The following UPRT variants were observed in gnomAD, a reference collection of about 807,000 sequenced individuals.
UPRT encodes the protein uracil phosphoribosyltransferase homolog.
A neutral mutation model predicts 22.6 loss-of-function variants in UPRT; 5 were observed. The observed-to-expected ratio is 0.22, with a 90% CI of 0.12 to 0.47. The LOEUF is 0.47. Ranked by LOEUF, UPRT falls within the 20% of genes least tolerant of loss-of-function variation. UPRT has a pLI of 0.99. For synonymous variants in UPRT, 77 were observed against 87.7 expected, an observed-to-expected ratio of 0.88 and a Z score of 0.68; for missense variants, 181 against 239.9, an observed-to-expected ratio of 0.75 and a Z score of 1.62.
intron 4 of UPRT, among the ~76,000 whole-genome samples, chrX:75,251,837 C>T (rs1332891622): frequency 9.0e-6 from 1 of 111,329 alleles, no homozygotes; most frequent in East Asian, 2.8e-4. Flanking sequence ...GTAACCAAAA[C>T]AGCATGGTAC....
At chrX:75,192,386 T>G (rs747231322) in intron 4 of UPRT, among the ~76,000 whole-genome samples, 24 of 111,557 alleles carry the variant, frequency 2.2e-4, no homozygotes, top group African/African-American at 7.8e-4. Context: ...CTAACTGTAT[T>G]GTCTATTTTA....
chrX:75,169,854 T>C (rs1242412070), intron 4 of UPRT, among the ~76,000 whole-genome samples: 1 of 111,515 alleles, frequency 9.0e-6, no homozygotes, highest in Non-Finnish European at 1.9e-5. Flanking sequence ...ATGACCTGTC[T>C]AGTGCTGTCA....
At position 75,237,719 on chromosome X, in the gene UPRT, G is replaced by C. The variant is rs776038319; in HGVS notation, c.-446-53305G>C. On this transcript the variant is annotated intron_variant, in intron 4 of 13. Transcript: ENST00000652605. The stretch of plus-strand genomic sequence containing the variant: ...AAGAACAAAAAACCAAACACTGCAT[G>C]TTCTCACTCATAGGTGAGAATTGAA... Among the ~76,000 whole-genome samples, 10 of 101,777 alleles carry C rather than the reference G, an allele frequency of 9.8e-5. No homozygotes were observed. In the East Asian group the frequency reaches 3.2e-3, roughly 33 times the overall value. 88.4% of individuals were successfully genotyped at this position (101,777 alleles called of 115,157 possible). A position where few individuals can be genotyped will look rare whatever the true frequency, so the allele number is the denominator to read the frequency against.
intron 4 of UPRT, among the ~76,000 whole-genome samples, chrX:75,180,681 G>GTTTTTTTTTTTTCTTTTTTT (rs2082266200): frequency 2.3e-5 from 1 of 43,895 alleles, no homozygotes; most frequent in Non-Finnish European, 3.8e-5. Context: ...CCTTTTCTCT[G>GTTTTTTTTTTTTCTTTTTTT]TTTTTTTTTT....
intron 4 of UPRT, chrX:75,201,906 G>A (rs1267376801): frequency 1.8e-5 from 2 of 111,727 alleles, no homozygotes; most frequent in East Asian, 5.6e-4. Flanking sequence ...CTAGGCCTTA[G>A]TTGGAGCATG....
At chrX:75,203,516 T>TCA (rs368566812) in intron 4 of UPRT, among the ~76,000 whole-genome samples, 248 of 64,578 alleles carry the variant, frequency 3.8e-3, no homozygotes, top group African/African-American at 0.012. Flanking sequence ...ACACACACAC[T>TCA]CACACACACA....
intron 4 of UPRT, among the ~76,000 whole-genome samples, chrX:75,188,193 A>ATTG (rs2082301578): frequency 9.0e-6 from 1 of 111,635 alleles, no homozygotes; most frequent in African/African-American, 3.3e-5. Flanking sequence ...GATGTACAGA[A>ATTG]GGTTTTTGGT....
intron 4 of UPRT, among the ~76,000 whole-genome samples, chrX:75,269,009 C>T (rs1180969643): frequency 9.0e-6 from 1 of 111,567 alleles, no homozygotes; most frequent in African/African-American, 3.3e-5. Flanking sequence ...TTTAGAAAAC[C>T]CCATTATCTC....
chrX:75,294,910 A>C (rs144072333), intron 2 of UPRT, among the ~76,000 whole-genome samples: 1 of 111,356 alleles, frequency 9.0e-6, no homozygotes, highest in African/African-American at 3.3e-5. Context: ...TTATTGTAAG[A>C]TGCTTCCCTG....
chrX:75,158,017 G>A (rs973266542), intron 1 of UPRT, among the ~76,000 whole-genome samples: 6 of 112,422 alleles, frequency 5.3e-5, no homozygotes, highest in African/African-American at 9.7e-5. Flanking sequence ...CCACCCAGTT[G>A]TAAAGTCTTT....
chrX:75,174,648 G>A (rs764049980), intron 4 of UPRT, among the ~76,000 whole-genome samples: 36 of 112,162 alleles, frequency 3.2e-4, no homozygotes, highest in African/African-American at 8.1e-4. Context: ...AAGGTGTAGC[G>A]TCCTCCTTTT....
Position 75,180,326 on chromosome X carries a change from C to A in UPRT, c.-447+12447C>A, listed in dbSNP as rs529650509. Among the ~76,000 whole-genome samples, 3 of 112,102 alleles carry A rather than the reference C, an allele frequency of 2.7e-5. No individual in the cohort carries two copies. In the South Asian group the frequency reaches 1.1e-3, roughly 42 times the overall value. On this transcript the variant is annotated intron_variant, in intron 4 of 13. Transcript: ENST00000652605. ...GCTTTTCCCACTGCTTCTTCTACTACCCCTGTGTTTTGCTCAGCTCTCTAA... is the reference window on the plus strand; with the variant it reads ...GCTTTTCCCACTGCTTCTTCTACTAACCCTGTGTTTTGCTCAGCTCTCTAA...
chrX:75,231,692 A>G (rs1457756121), intron 4 of UPRT, among the ~76,000 whole-genome samples: 1 of 112,280 alleles, frequency 8.9e-6, no homozygotes, highest in Admixed American at 9.4e-5. Context: ...CTTAAGAGCT[A>G]TGAAGCAAAA....
At chrX:75,198,214 C>T (rs929800422) in intron 4 of UPRT, among the ~76,000 whole-genome samples, 1 of 112,530 alleles carries the variant, frequency 8.9e-6, no homozygotes, top group Non-Finnish European at 1.9e-5. Flanking sequence ...ATCTCCCAGA[C>T]GTTATGTTGA....
intron 4 of UPRT, among the ~76,000 whole-genome samples, chrX:75,189,062 A>G (rs998868327): frequency 1.8e-5 from 2 of 111,410 alleles, no homozygotes; most frequent in African/African-American, 6.6e-5. Context: ...TAGTTCTTTT[A>G]TTTGTGATGT....
intron 3 of UPRT, among the ~76,000 whole-genome samples, chrX:75,165,239 A>G (rs748324221): frequency 2.7e-5 from 3 of 111,205 alleles, no homozygotes; most frequent in South Asian, 7.6e-4. Flanking sequence ...AAATTCCTCA[A>G]TTCTTCTCCC....
At chrX:75,187,696 A>C (rs144411528) in intron 4 of UPRT, among the ~76,000 whole-genome samples, 2 of 111,399 alleles carry the variant, frequency 1.8e-5, no homozygotes, top group African/African-American at 6.5e-5. Context: ...ACATAGTCCC[A>C]TATTTCTTGG....
At chrX:75,173,772 A>T (rs1164679321) in intron 4 of UPRT, among the ~76,000 whole-genome samples, 2 of 111,465 alleles carry the variant, frequency 1.8e-5, no homozygotes, top group Non-Finnish European at 3.8e-5. Context: ...TCGGTGAGAA[A>T]TTGAGCGCAG....
In UPRT at chrX:75,258,193, GT is replaced by G. The variant is rs140894142; in HGVS notation, c.-446-32815del. ...GGCAGACACCAAGCTAGCTGCAGGTGTTTTTTTTTTTTTTTTCCTTTTTTCT... is the reference window on the plus strand; with the variant it reads ...GGCAGACACCAAGCTAGCTGCAGGTGTTTTTTTTTTTTTTTCCTTTTTTCT... On this transcript the variant is annotated intron_variant, in intron 4 of 13. Transcript: ENST00000652605. Among the ~76,000 whole-genome samples the G allele has an allele frequency of 6.4e-3, 513 of 79,888 alleles. 5 individuals are homozygous for G. The highest frequency in any genetic ancestry group is 0.022 in the African/African-American group (489 of 22,095). The allele number at this position is 79,888 out of a possible 115,157, so 69.4% of individuals were successfully genotyped here.
Sources: allele counts gnomAD v4.1 joint callset (sites outside exome capture counted in the v4.1 genomes callset), GRCh38; gene constraint gnomAD v4.1.1; transcripts MANE v1.5; gene names NCBI Gene and HGNC (gene_info 2026-07-23, HGNC 2026-07-21).